IKBKE: variants seen among roughly 807,000 people sequenced by gnomAD.
IKBKE encodes the protein inhibitor of nuclear factor kappa-B kinase subunit epsilon.
In IKBKE, 45 loss-of-function variants were observed where a neutral mutation model predicts 92.1. The observed-to-expected ratio is 0.49, with a 90% confidence interval of 0.38 to 0.63. The LOEUF is 0.63. Among genes scored for constraint, IKBKE ranks in the 20% least tolerant of loss-of-function variants. The probability of loss-of-function intolerance (pLI) is 0.00; values close to 1 mark genes in which losing one functional copy is unlikely to be tolerated. For missense variants in IKBKE, 700 were observed against 932.8 expected (o/e 0.75, Z 3.25); for synonymous variants, 374 against 380.3 (o/e 0.98, Z 0.19).
Position 206,491,688 on chromosome 1 carries a change from T to TCTGCAC in IKBKE, c.1774_1775insCTGCAC (p.Phe592delinsSerAlaLeu). ...TTTAGCCAAAAGACTCCTGCAGGTG[T>TCTGCAC]TCCAGGAGGAGTGCGTGCAGAAGTA... is the stretch of plus-strand genomic sequence containing the variant. On this transcript the variant is annotated protein_altering_variant, in exon 18 of 22. Coordinates refer to ENST00000581977, the MANE Select transcript of IKBKE (RefSeq NM_014002.4). 6.2e-7 allele frequency: 1 copy of TCTGCAC among 1,613,446 alleles called. No individual in the cohort carries two copies. The highest frequency in any genetic ancestry group is 8.5e-7 in the Non-Finnish European group (1 of 1,179,558).
Position 206,477,877 on chromosome 1 carries a change from G to A in IKBKE, c.812+18G>A, listed in dbSNP as rs1351197440. The stretch of plus-strand genomic sequence containing the variant: ...CTGTCACTGTGAGTGGGACCCTGCT[G>A]GGGGGTGATGCTGGAGTCTGAGCTG... On this transcript the variant is annotated intron_variant, in intron 8 of 21. Coordinates refer to ENST00000581977, the MANE Select transcript of IKBKE (RefSeq NM_014002.4). 4.1e-6 allele frequency: 6 copies of A among 1,463,934 alleles called. No individual in the cohort carries two copies. The highest frequency in any genetic ancestry group is 4.7e-6 in the Non-Finnish European group (5 of 1,068,736). The allele number at this position is 1,463,934 out of a possible 1,614,324, so 90.7% of individuals were successfully genotyped here. A position where few individuals can be genotyped will look rare whatever the true frequency, so the allele number is the denominator to read the frequency against.
chr1:206,491,039 G>T (rs942226758), intron 17 of IKBKE, 181 bp downstream of exon 17: 3 of 638,736 alleles, frequency 4.7e-6, no homozygotes, highest in Non-Finnish European at 8.5e-6. Flanking sequence ...TAGTTGGAGG[G>T]AGACTTCTCA....
rs1463278587 is a variant in IKBKE, at chr1:206,477,779, G to T, written c.732G>T (p.Gly244=). Residue 244 remains glycine, a synonymous_variant, in exon 8 of 22, where the codon GGG becomes GGT. Transcript: ENST00000581977. ...GGATCACCACGGAGAAGCCGGCTGG[G>T]GCCATTGCAGGTGCCCAGAGGCGGG... ...MYRITTEKPA[G]AIAGAQRREN... The T allele has an allele frequency of 3.8e-6, 6 of 1,569,036 alleles. No homozygotes were observed. The highest frequency in any genetic ancestry group is 5.2e-6 in the Non-Finnish European group (6 of 1,157,398).
Position 206,478,266 on chromosome 1 carries a change from C to A in IKBKE, c.919C>A (p.Gln307Lys), listed in dbSNP as rs529336020. The A allele has an allele frequency of 6.2e-7, 1 of 1,614,182 alleles. No homozygotes were observed. Among genetic ancestry groups the A allele is most frequent in the African/African-American group, 1.3e-5 (1 of 75,056 alleles). Reference protein sequence around the residue: ...QFFAETSDILQRVVVHVFSLS... With the variant: ...QFFAETSDILKRVVVHVFSLS... ...CTTTGCGGAGACCAGTGACATCCTG[C>A]AGCGAGTTGTCGTCCATGTCTTCTC... is the stretch of plus-strand genomic sequence containing the variant. The change falls in exon 9 of 22, where the codon CAG becomes AAG. Residue 307 changes from glutamine (Q) to lysine (K), a missense_variant. Coordinates refer to ENST00000581977, the MANE Select transcript of IKBKE (RefSeq NM_014002.4). The surrounding 1 kb of genome is among the most constrained non-coding windows in gnomAD (Gnocchi z 4.8).
chr1:206,482,575 C>T (rs1665463554), intron 13 of IKBKE, among the ~76,000 whole-genome samples: 1 of 152,208 alleles, frequency 6.6e-6, no homozygotes, highest in South Asian at 2.1e-4. Context: ...CAAGTGCCTG[C>T]TTTGAAGCCT....
intron 17 of IKBKE, chr1:206,491,221 A>G (rs1665936251): frequency 2.6e-6 from 1 of 391,986 alleles, no homozygotes. Context: ...TTTCCCGGAC[A>G]CACTCACGTC....
chr1:206,480,716 G>T (rs17022378), intron 13 of IKBKE, among the ~76,000 whole-genome samples, 183 bp downstream of exon 13: 3,747 of 152,166 alleles, frequency 0.025, 54 homozygotes, highest in African/African-American at 0.031. Context: ...AACTGCAATG[G>T]CTCCCCCAAA....
In IKBKE at chr1:206,487,368, C is replaced by A. The variant is rs528498255; in HGVS notation, c.1617-546C>A. On this transcript the variant is annotated intron_variant, in intron 15 of 21. Coordinates refer to ENST00000581977, the MANE Select transcript of IKBKE (RefSeq NM_014002.4). This position sits in a 1 kb window ranked among gnomAD's most constrained non-coding sequence, Gnocchi z 5.3. ...CAGTTCCTCCGCCTCCGGGCAGGACCGAGGCCTGTTGATTCATTCTTGTTT... is the reference window on the plus strand; with the variant it reads ...CAGTTCCTCCGCCTCCGGGCAGGACAGAGGCCTGTTGATTCATTCTTGTTT... 6.6e-6 allele frequency among the ~76,000 whole-genome samples: 1 copy of A among 152,284 alleles called. No homozygotes were observed. Among genetic ancestry groups the A allele is most frequent in the Non-Finnish European group, 1.5e-5 (1 of 68,032 alleles).
At position 206,476,930 on chromosome 1, in the gene IKBKE, C is replaced by A; in HGVS notation, c.701+92C>A. 1 of 1,392,042 alleles carries A rather than the reference C, an allele frequency of 7.2e-7. No homozygotes were observed. 86.2% of individuals were successfully genotyped at this position (1,392,042 alleles called of 1,614,324 possible). A position where few individuals can be genotyped will look rare whatever the true frequency, so the allele number is the denominator to read the frequency against. On this transcript the variant is annotated intron_variant, in intron 7 of 21. Coordinates refer to ENST00000581977, the MANE Select transcript of IKBKE (RefSeq NM_014002.4). The surrounding 1 kb of genome is among the most constrained non-coding windows in gnomAD (Gnocchi z 5.1). ...CTTGCTGTGTCTTCTGGTCCCCTCA[C>A]ACTCCATGGCCCTCCTCTGGTCCAC...
chr1:206,475,376 A>G (rs1442771528), intron 5 of IKBKE, among the ~76,000 whole-genome samples: 4 of 152,164 alleles, frequency 2.6e-5, no homozygotes, highest in Admixed American at 2.6e-4. Context: ...AGAAAGTACC[A>G]TGGTGGTTTC....
intron 21 of IKBKE, among the ~76,000 whole-genome samples, chr1:206,494,229 G>C (rs1388905987): frequency 6.6e-6 from 1 of 152,204 alleles, no homozygotes; most frequent in Admixed American, 6.5e-5. Flanking sequence ...TGGGGGCCTG[G>C]AGGCATGGGG....
At chr1:206,473,460 T>C (rs1188226951) in intron 3 of IKBKE, 146 bp downstream of exon 3, 25 of 622,452 alleles carry the variant, frequency 4.0e-5, no homozygotes, top group Non-Finnish European at 7.0e-5. Context: ...TACTGTGGGT[T>C]TGAGCAGAGG....
intron 21 of IKBKE, among the ~76,000 whole-genome samples, chr1:206,494,654 A>G (rs41299878): frequency 0.013 from 1,554 of 115,810 alleles, 33 homozygotes; most frequent in African/African-American, 0.049. Context: ...CCCAGGCTGG[A>G]GTGCAGTGGT....
chr1:206,493,294 T>G lies in IKBKE; in HGVS notation c.1961T>G (p.Leu654Arg). 6.2e-7 allele frequency: 1 copy of G among 1,614,054 alleles called. No individual in the cohort carries two copies. Among genetic ancestry groups the G allele is most frequent in the Non-Finnish European group, 8.5e-7 (1 of 1,179,994 alleles). ...KLLEELSHQLLQDRAKGAQAS... is the reference protein window; with the variant it reads ...KLLEELSHQLRQDRAKGAQAS... Reference sequence around the variant, plus strand: ...CTGGAAGAGCTATCTCACCAGCTCCTTCAGGACCGAGCAAAGGGGGCTCAG... The same window carrying G: ...CTGGAAGAGCTATCTCACCAGCTCCGTCAGGACCGAGCAAAGGGGGCTCAG... Residue 654 changes from leucine to arginine, a missense_variant, in exon 20 of 22, where the codon CTT becomes CGT. Leu to Arg is a moderately radical substitution (Grantham distance 102). Coordinates refer to ENST00000581977, the MANE Select transcript of IKBKE (RefSeq NM_014002.4).
At chr1:206,475,090 T>G in intron 5 of IKBKE, 96 bp downstream of exon 5, 1 of 1,315,590 alleles carries the variant, frequency 7.6e-7, no homozygotes, top group Non-Finnish European at 1.1e-6. Context: ...TGCTAATCAT[T>G]CCATTTAAAA....
rs550962936 is a variant in IKBKE at position 206,479,121 on chromosome 1, G to A, written c.1171G>A (p.Ala391Thr). The A allele has an allele frequency of 1.2e-6, 2 of 1,602,128 alleles. No homozygotes were observed. Among genetic ancestry groups the A allele is most frequent in the East Asian group, 2.2e-5 (1 of 44,692 alleles). ...CAGCACAGCCATCCCTAAGGGGCTG[G>A]CCTTCAGGGACCGTGAGTAGAGCCA... ...LFSTAIPKGL[A>T]FRDPALDVPK... The change falls in exon 10 of 22, where the codon GCC becomes ACC. Residue 391 changes from alanine to threonine, a missense_variant. Physicochemically the swap from Ala to Thr is moderately conservative, Grantham distance 58. Coordinates refer to ENST00000581977, the MANE Select transcript of IKBKE (RefSeq NM_014002.4).
chr1:206,492,423 C>T, intron 18 of IKBKE: 1 of 471,062 alleles, frequency 2.1e-6, no homozygotes, highest in Non-Finnish European at 4.4e-6. Flanking sequence ...TGGCACTCAC[C>T]CGTCCTCATA....
intron 15 of IKBKE, among the ~76,000 whole-genome samples, chr1:206,486,615 C>G (rs1412432170): frequency 1.3e-5 from 2 of 150,118 alleles, no homozygotes; most frequent in Non-Finnish European, 3.0e-5. Flanking sequence ...TGGATGAAGG[C>G]TGAGGATCGA....
At chr1:206,479,737 G>T in intron 10 of IKBKE, 133 bp from the exon 11 acceptor site, 1 of 948,192 alleles carries the variant, frequency 1.1e-6, no homozygotes, top group Non-Finnish European at 1.6e-6. Flanking sequence ...GGCAAGGTGG[G>T]AGGCTCAGGG....
Sources: gnomAD v4.1 joint callset for allele counts (sites outside exome capture counted in the v4.1 genomes callset) on GRCh38, gnomAD v4.1.1 for gene constraint, Gnocchi (gnomAD v3.1) non-coding constraint, MANE v1.5 for transcripts, NCBI Gene and HGNC (gene_info 2026-07-23, HGNC 2026-07-21) for gene names.